The following USP36 variants were observed in gnomAD, a reference collection of about 807,000 sequenced individuals.
USP36 encodes the protein ubiquitin carboxyl-terminal hydrolase 36.
A neutral mutation model predicts 111.5 loss-of-function variants in USP36; 59 were observed. That is an observed-to-expected ratio of 0.53 (90% CI 0.43 to 0.66). USP36 has a LOEUF of 0.66. Among genes scored for constraint, USP36 ranks in the 30% least tolerant of loss-of-function variants. The probability of loss-of-function intolerance (pLI) is 0.00; values close to 1 mark genes in which losing one functional copy is unlikely to be tolerated. For missense variants in USP36, 1,488 were observed against 1,468.0 expected (o/e 1.01, Z -0.22); for synonymous variants, 628 against 581.0 (o/e 1.08, Z -1.16).
chr17:78,812,140 T>C lies in USP36; in HGVS notation c.1407+720A>G, dbSNP rs78570215. On this transcript the variant is annotated intron_variant, in intron 13 of 20. Coordinates refer to ENST00000449938, the MANE Select transcript of USP36 (RefSeq NM_001385174.1). ...AGCTCAAGCCTGCCCTGAACCATGA[T>C]TGTGCCACTGTACTCCAGTCTGGGT... Among the ~76,000 whole-genome samples the C allele has an allele frequency of 4.7e-4, 71 of 152,110 alleles. 2 individuals carry two copies. In the East Asian group the frequency reaches 0.013, roughly 28 times the overall value.
intron 5 of USP36, among the ~76,000 whole-genome samples, chr17:78,828,124 C>A (rs927295481): frequency 1.3e-5 from 2 of 151,826 alleles, no homozygotes; most frequent in African/African-American, 4.8e-5. Context: ...AGGCCAAGGC[C>A]GACTGCTTGA....
In USP36 at chr17:78,819,966, T is replaced by C. The variant is rs914860008; in HGVS notation, c.875A>G (p.Asp292Gly). ...GTAGGCATTCTCTCCACTCAGGACATCTGCTTTCACAAAAAGTTCCAGAGC... is the reference window on the plus strand; with the variant it reads ...GTAGGCATTCTCTCCACTCAGGACACCTGCTTTCACAAAAAGTTCCAGAGC... Reference protein sequence around the residue: ...VRALELFVKADVLSGENAYMC... With the variant: ...VRALELFVKAGVLSGENAYMC... The change falls in exon 9 of 21, where the codon GAT becomes GGT. Residue 292 changes from aspartate (D) to glycine (G), a missense_variant. Transcript: ENST00000449938. 1 of 1,614,172 alleles carries C rather than the reference T, an allele frequency of 6.2e-7. No homozygotes were observed. The highest frequency in any genetic ancestry group is 8.5e-7 in the Non-Finnish European group (1 of 1,180,008).
intron 10 of USP36, among the ~76,000 whole-genome samples, chr17:78,817,683 G>T (rs2094219095): frequency 6.6e-6 from 1 of 151,574 alleles, no homozygotes; most frequent in Admixed American, 6.6e-5. Flanking sequence ...GAACCCAGAA[G>T]GTGGAGACAG....
At chr17:78,822,101 C>G in intron 6 of USP36, 97 bp from the exon 7 acceptor site, 1 of 1,412,808 alleles carries the variant, frequency 7.1e-7, no homozygotes. Context: ...GTCACAAGCT[C>G]AGCGTGAGGC....
chr17:78,822,147 CCCTTAACCTCCAT>C, intron 6 of USP36, 143 bp from the exon 7 acceptor site: 1 of 871,086 alleles, frequency 1.1e-6, no homozygotes, highest in Non-Finnish European at 1.8e-6. Flanking sequence ...TCACCACAGA[CCCTTAACCTCCAT>C]CCTCAGCCCA....
At chr17:78,819,042 A>G (rs577602840) in intron 9 of USP36, 20 of 284,602 alleles carry the variant, frequency 7.0e-5, no homozygotes, top group East Asian at 3.1e-4. Flanking sequence ...GAAACTAAAT[A>G]AAATACAGGA....
At chr17:78,833,683 T>TA (rs1156821311) in intron 4 of USP36, among the ~76,000 whole-genome samples, 2 of 152,296 alleles carry the variant, frequency 1.3e-5, no homozygotes, top group East Asian at 1.9e-4. Context: ...GAATTCTACT[T>TA]AGAGATTTTC....
At chr17:78,820,519 GA>G (rs900183653) in intron 8 of USP36, among the ~76,000 whole-genome samples, 13 of 152,190 alleles carry the variant, frequency 8.5e-5, no homozygotes, top group Admixed American at 4.6e-4. Flanking sequence ...GGTCTGCCAT[GA>G]ATCAGTCACT....
At chr17:78,824,717 A>AT (rs2067379889) in intron 6 of USP36, among the ~76,000 whole-genome samples, 1 of 152,252 alleles carries the variant, frequency 6.6e-6, no homozygotes, top group Non-Finnish European at 1.5e-5. Context: ...CTTTTCAGTC[A>AT]TAACAGGAAA....
chr17:78,817,747 A>C (rs2094220883), intron 10 of USP36, among the ~76,000 whole-genome samples: 1 of 151,968 alleles, frequency 6.6e-6, no homozygotes, highest in South Asian at 2.1e-4. Context: ...CAAAAAAAAA[A>C]AAAAGAGAAA....
intron 10 of USP36, among the ~76,000 whole-genome samples, chr17:78,815,260 A>C (rs2094152335): frequency 6.6e-6 from 1 of 151,990 alleles, no homozygotes; most frequent in South Asian, 2.1e-4. Flanking sequence ...TGAAACCAGG[A>C]GGTGGAGGTT....
rs1284461530 is a variant in USP36, at chr17:78,796,836, C to G, written c.*1064G>C. 1 of 152,288 alleles carries G rather than the reference C, an allele frequency of 6.6e-6. No individual in the cohort carries two copies. Among genetic ancestry groups the G allele is most frequent in the Non-Finnish European group, 1.5e-5 (1 of 68,048 alleles). The allele number at this position is 152,288 out of a possible 1,614,324, so 9.4% of individuals were successfully genotyped here. A position where few individuals can be genotyped will look rare whatever the true frequency, so the allele number is the denominator to read the frequency against. On this transcript the variant is annotated 3_prime_UTR_variant, in exon 21 of 21. Transcript: ENST00000449938. ...AAGGATGTTCACGGTCACCTTCACA[C>G]TTCCCACTACTATGAGGGCATTTGT...
At chr17:78,816,976 C>T (rs1046861942) in intron 10 of USP36, among the ~76,000 whole-genome samples, 3 of 152,186 alleles carry the variant, frequency 2.0e-5, no homozygotes, top group East Asian at 1.9e-4. Context: ...TGTTCTTAAA[C>T]GTCACATACC....
chr17:78,826,909 C>T, intron 6 of USP36: 1 of 589,402 alleles, frequency 1.7e-6, no homozygotes, highest in Non-Finnish European at 3.0e-6. Flanking sequence ...TGAAAAAGTC[C>T]ATGGTAAGAA....
intron 3 of USP36, among the ~76,000 whole-genome samples, chr17:78,788,295 G>A (rs1462853552): frequency 6.6e-6 from 1 of 151,998 alleles, no homozygotes; most frequent in African/African-American, 2.4e-5. Flanking sequence ...CTCCCAAGTA[G>A]CTGGGACTAC....
In USP36 at chr17:78,804,052, C is replaced by T. The variant is rs971306830; in HGVS notation, c.2217-74G>A. 10 of 1,113,254 alleles carry T rather than the reference C, an allele frequency of 9.0e-6. No individual in the cohort carries two copies. In the African/African-American group the frequency reaches 1.4e-4, roughly 16 times the overall value. The allele number at this position is 1,113,254 out of a possible 1,614,324, so 69.0% of individuals were successfully genotyped here. A position where few individuals can be genotyped will look rare whatever the true frequency, so the allele number is the denominator to read the frequency against. On this transcript the variant is annotated intron_variant, in intron 15 of 20. Transcript: ENST00000449938. Reference sequence around the variant, plus strand: ...CAGAGCTGTTCCTTCTGTCTACCCTCACTCCCCTCCCTTTCACCTAAAAAT... The same window carrying T: ...CAGAGCTGTTCCTTCTGTCTACCCTTACTCCCCTCCCTTTCACCTAAAAAT...
intron 13 of USP36, among the ~76,000 whole-genome samples, chr17:78,810,536 T>G (rs1234329997): frequency 1.3e-5 from 2 of 152,144 alleles, no homozygotes; most frequent in African/African-American, 2.4e-5. Context: ...CACATCGGCT[T>G]CCCAAAGTGT....
intron 1 of USP36, among the ~76,000 whole-genome samples, chr17:78,840,188 T>G (rs1463056913): frequency 6.6e-6 from 1 of 151,784 alleles, no homozygotes; most frequent in African/African-American, 2.4e-5. Flanking sequence ...GAGTCTCCCC[T>G]CTCGTGTGTC....
chr17:78,825,230 C>T (rs2067430202), intron 6 of USP36, among the ~76,000 whole-genome samples: 1 of 152,130 alleles, frequency 6.6e-6, no homozygotes, highest in African/African-American at 2.4e-5. Flanking sequence ...ACGCTGGTCA[C>T]CTATAATCAC....
Sources: gnomAD v4.1 joint callset for allele counts (sites outside exome capture counted in the v4.1 genomes callset) on GRCh38, gnomAD v4.1.1 for gene constraint, MANE v1.5 for transcripts, NCBI Gene and HGNC (gene_info 2026-07-23, HGNC 2026-07-21) for gene names.